FAM120A: variants seen among roughly 807,000 people sequenced by gnomAD.
The protein encoded by FAM120A is constitutive coactivator of PPAR-gamma-like protein 1.
A neutral mutation model predicts 109.7 loss-of-function variants in FAM120A; 15 were observed. The ratio of observed to expected loss-of-function variants is 0.14; its 90% CI spans 0.09 to 0.21. The LOEUF is 0.21. FAM120A is among the 10% of genes least tolerant of loss of function. The probability of loss-of-function intolerance (pLI) is 1.00; values close to 1 mark genes in which losing one functional copy is unlikely to be tolerated. For missense variants in FAM120A, 899 were observed against 1,439.3 expected (o/e 0.62, Z 6.07); for synonymous variants, 493 against 572.8 (o/e 0.86, Z 1.99).
intron 1 of FAM120A, among the ~76,000 whole-genome samples, chr9:93,455,591 G>A (rs1363208138): frequency 6.6e-6 from 1 of 152,090 alleles, no homozygotes; most frequent in Non-Finnish European, 1.5e-5. Context: ...AAAACTTTAA[G>A]CATCTTATTG....
At chr9:93,458,908 A>T (rs1307182868) in intron 1 of FAM120A, among the ~76,000 whole-genome samples, 2 of 152,192 alleles carry the variant, frequency 1.3e-5, no homozygotes, top group Admixed American at 1.3e-4. Flanking sequence ...CCTTCCTGCG[A>T]CCTGAACTCA....
chr9:93,529,681 T>C, intron 9 of FAM120A, 101 bp downstream of exon 9: 1 of 992,518 alleles, frequency 1.0e-6, no homozygotes, highest in Non-Finnish European at 1.6e-6. Context: ...TTTTTCTGTC[T>C]TACTAATCTA....
At chr9:93,490,690 T>G (rs1859275392) in intron 3 of FAM120A, among the ~76,000 whole-genome samples, 2 of 152,260 alleles carry the variant, frequency 1.3e-5, no homozygotes, top group South Asian at 4.1e-4. Flanking sequence ...AATAAATGCT[T>G]CTTTAGCAGG....
chr9:93,541,030 C>G (rs1329953775), intron 10 of FAM120A, among the ~76,000 whole-genome samples: 2 of 149,172 alleles, frequency 1.3e-5, no homozygotes, highest in African/African-American at 5.0e-5. Context: ...AACCCATGCT[C>G]TGTGTGTGGG....
At chr9:93,562,035 C>T (rs1196055050) in intron 16 of FAM120A, among the ~76,000 whole-genome samples, 173 bp from the exon 17 acceptor site, 1 of 152,204 alleles carries the variant, frequency 6.6e-6, no homozygotes, top group East Asian at 1.9e-4. Flanking sequence ...TTATGTCCTA[C>T]TGCTCAAGGT....
intron 11 of FAM120A, among the ~76,000 whole-genome samples, chr9:93,547,805 C>G (rs1861942416): frequency 2.0e-5 from 3 of 152,192 alleles, no homozygotes; most frequent in Admixed American, 2.0e-4. Context: ...GTTAAGTTCT[C>G]AGCCGCTCTT....
At chr9:93,485,736 A>T (rs983016794) in intron 3 of FAM120A, among the ~76,000 whole-genome samples, 22 of 149,682 alleles carry the variant, frequency 1.5e-4, no homozygotes, top group Admixed American at 1.3e-3. Context: ...TGTCTTTGAG[A>T]CTCTAGCCCC....
chr9:93,554,191 G>A (rs1363188609), intron 12 of FAM120A, among the ~76,000 whole-genome samples: 1 of 85,542 alleles, frequency 1.2e-5, no homozygotes, highest in East Asian at 4.5e-4. Flanking sequence ...TAGCCTTGCT[G>A]CATTCTTCCT....
intron 1 of FAM120A, among the ~76,000 whole-genome samples, chr9:93,470,829 C>T (rs1203400372): frequency 6.6e-6 from 1 of 151,994 alleles, no homozygotes; most frequent in East Asian, 1.9e-4. Context: ...AAAATACTGT[C>T]ATGGGGTCAG....
In FAM120A at chr9:93,558,017, T is replaced by A. The variant is rs369151456; in HGVS notation, c.2668+7T>A. On this transcript the variant is annotated splice_region_variant and intron_variant, in intron 14 of 17. Coordinates refer to ENST00000277165, the MANE Select transcript of FAM120A (RefSeq NM_014612.5). The stretch of plus-strand genomic sequence containing the variant: ...AGGGGCAGAGGCTTTGCAGGTGAGT[T>A]GATTGGGACGTATTCCTGTGGGTAA... 7.6e-6 allele frequency: 12 copies of A among 1,583,446 alleles called. No individual in the cohort carries two copies. The African/African-American group carries it at 1.5e-4, about 20-fold the overall frequency.
chr9:93,544,127 C>A (rs957722457), intron 11 of FAM120A, among the ~76,000 whole-genome samples: 14 of 152,188 alleles, frequency 9.2e-5, no homozygotes, highest in African/African-American at 3.4e-4. Flanking sequence ...ATAATCAATT[C>A]ACTTGAGGTT....
chr9:93,526,158 G>A (rs181630390), intron 7 of FAM120A, among the ~76,000 whole-genome samples: 13 of 152,264 alleles, frequency 8.5e-5, no homozygotes, highest in Admixed American at 6.5e-4. Context: ...GTGAGTGCAC[G>A]GAGCACCACA....
intron 3 of FAM120A, among the ~76,000 whole-genome samples, chr9:93,495,252 T>C (rs565583010): frequency 2.6e-5 from 4 of 152,340 alleles, no homozygotes; most frequent in African/African-American, 9.6e-5. Flanking sequence ...GTGTGAGAAT[T>C]AATACAGTAC....
rs545159532 is a variant in FAM120A at position 93,544,208 on chromosome 9, G to A, written c.2159+737G>A. On this transcript the variant is annotated intron_variant, in intron 11 of 17. Coordinates refer to ENST00000277165, the MANE Select transcript of FAM120A (RefSeq NM_014612.5). ...CTTGGGAGCTGTCTTAGGTTGGCCCGTGTGACACACACCATCCTCTTGTTT... is the reference window on the plus strand; with the variant it reads ...CTTGGGAGCTGTCTTAGGTTGGCCCATGTGACACACACCATCCTCTTGTTT... Among the ~76,000 whole-genome samples, 5 of 152,292 alleles carry A rather than the reference G, an allele frequency of 3.3e-5. No individual in the cohort carries two copies. In the East Asian group the frequency reaches 9.6e-4, roughly 29 times the overall value.
rs978940423 is a variant in FAM120A, at chr9:93,561,206, G to T, written c.2904G>T (p.Gly968=). Residue 968 remains glycine, a synonymous_variant, in exon 16 of 18, where the codon GGG becomes GGT. Coordinates refer to ENST00000277165, the MANE Select transcript of FAM120A (RefSeq NM_014612.5). The part of the protein sequence containing the change: ...AGSRRGRGGR[G]PFPLQVVSVG... ...GCAGGCGGGGCCGTGGGGGCCGGGG[G>T]CCTTTCCCCCTGCAGGTGGTTTCTG... 6.2e-7 allele frequency: 1 copy of T among 1,613,346 alleles called. No homozygotes were observed. The highest frequency in any genetic ancestry group is 1.1e-5 in the South Asian group (1 of 90,924).
intron 3 of FAM120A, among the ~76,000 whole-genome samples, chr9:93,488,260 C>T (rs1463912965): frequency 6.6e-6 from 1 of 152,300 alleles, no homozygotes; most frequent in Non-Finnish European, 1.5e-5. Context: ...CCTGTCACAT[C>T]CCCAACGCTT....
At chr9:93,556,651 A>G (rs1862291420) in intron 13 of FAM120A, 60 bp downstream of exon 13, 2 of 1,488,182 alleles carry the variant, frequency 1.3e-6, no homozygotes, top group Non-Finnish European at 1.9e-6. Flanking sequence ...CACTGGTTAA[A>G]TCTGTCATCT....
chr9:93,511,322 C>G (rs1316268392), intron 5 of FAM120A, among the ~76,000 whole-genome samples: 1 of 152,208 alleles, frequency 6.6e-6, no homozygotes, highest in African/African-American at 2.4e-5. Flanking sequence ...TGGCCAACAC[C>G]GCAGGCTTTG....
At chr9:93,463,957 C>T (rs575222492) in intron 1 of FAM120A, among the ~76,000 whole-genome samples, 1 of 152,308 alleles carries the variant, frequency 6.6e-6, no homozygotes, top group East Asian at 1.9e-4. Flanking sequence ...GAGCTGTTTA[C>T]ATGTAGTATA....
Sources: gnomAD v4.1 joint callset for allele counts (sites outside exome capture counted in the v4.1 genomes callset) on GRCh38, gnomAD v4.1.1 for gene constraint, MANE v1.5 for transcripts, NCBI Gene and HGNC (gene_info 2026-07-23, HGNC 2026-07-21) for gene names.